The following CNTN5 variants were observed in gnomAD, a reference collection of about 807,000 sequenced individuals.
The protein encoded by CNTN5 is contactin 5.
Under a neutral mutation model 129.1 loss-of-function variants are expected in CNTN5, and 77 were observed. That is an observed-to-expected ratio of 0.60 (90% CI 0.50 to 0.72). The LOEUF is 0.72. CNTN5 is among the 30% of genes least tolerant of loss of function. CNTN5 has a pLI of 0.00. For missense variants in CNTN5, 1,478 were observed against 1,328.8 expected (o/e 1.11, Z -1.75); for synonymous variants, 509 against 465.6 (o/e 1.09, Z -1.20).
intron 2 of CNTN5, among the ~76,000 whole-genome samples, chr11:99,552,545 A>C (rs1414889661): frequency 6.6e-6 from 1 of 152,158 alleles, no homozygotes; most frequent in East Asian, 1.9e-4. Flanking sequence ...AGAGTAACCA[A>C]GAAAGGCTTC....
intron 3 of CNTN5, among the ~76,000 whole-genome samples, chr11:99,795,971 A>G (rs2135458381): frequency 6.6e-6 from 1 of 152,298 alleles, no homozygotes; most frequent in Middle Eastern, 3.4e-3. Flanking sequence ...GCCAGCAGCA[A>G]TGCTAGAGGG....
intron 3 of CNTN5, among the ~76,000 whole-genome samples, chr11:99,609,112 A>T (rs920040399): frequency 2.6e-5 from 4 of 152,150 alleles, no homozygotes; most frequent in Non-Finnish European, 5.9e-5. Context: ...TATAGCTTAG[A>T]ATGGATGTTT....
chr11:100,147,542 C>T (rs886940143), intron 13 of CNTN5, among the ~76,000 whole-genome samples: 3 of 152,026 alleles, frequency 2.0e-5, no homozygotes, highest in Non-Finnish European at 4.4e-5. Context: ...CAGTTCTGCT[C>T]GGAAGCCGCG....
intron 2 of CNTN5, among the ~76,000 whole-genome samples, chr11:99,554,686 AT>A: frequency 6.6e-6 from 1 of 152,252 alleles, no homozygotes; most frequent in East Asian, 1.9e-4. Flanking sequence ...AAAAAGGTCA[AT>A]TTAATCATGA....
intron 7 of CNTN5, among the ~76,000 whole-genome samples, chr11:99,948,066 T>C (rs1950591607): frequency 6.6e-6 from 1 of 152,234 alleles, no homozygotes; most frequent in African/African-American, 2.4e-5. Flanking sequence ...GAGGTCTTAA[T>C]TTTCCTTCAT....
intron 13 of CNTN5, among the ~76,000 whole-genome samples, chr11:100,148,341 A>C (rs183132146): frequency 2.9e-4 from 44 of 152,332 alleles, no homozygotes; most frequent in African/African-American, 1.0e-3. Flanking sequence ...AGTTGCTCTC[A>C]GGGCTAAGTG....
At chr11:99,598,986 GA>G (rs1303312756) in intron 3 of CNTN5, among the ~76,000 whole-genome samples, 1 of 152,038 alleles carries the variant, frequency 6.6e-6, no homozygotes, top group African/African-American at 2.4e-5. Context: ...AATGAGATAA[GA>G]TTAGGAGAAT....
chr11:99,565,702 A>C (rs1427718877), intron 3 of CNTN5, among the ~76,000 whole-genome samples: 1 of 152,182 alleles, frequency 6.6e-6, no homozygotes, highest in African/African-American at 2.4e-5. Context: ...CTGTCTTTCC[A>C]ATGAAGAAGA....
chr11:100,070,452 T>A lies in CNTN5; in HGVS notation c.1191T>A (p.Asn397Lys), dbSNP rs202208191. Residue 397 changes from asparagine to lysine, a missense_variant, in exon 11 of 25, where the codon AAT becomes AAA. Physicochemically the swap from Asn to Lys is moderately conservative, Grantham distance 94. Transcript: ENST00000524871. The part of the protein sequence containing the change: ...YTYPHWVEKL[N>K]DTQLDSGSPL... Reference sequence around the variant, plus strand: ...ACCCACACTGGGTAGAAAAACTGAATGATACTCAGTTAGACAGTGGGAGCC... The same window carrying A: ...ACCCACACTGGGTAGAAAAACTGAAAGATACTCAGTTAGACAGTGGGAGCC... 6.2e-7 allele frequency: 1 copy of A among 1,612,482 alleles called. No individual in the cohort carries two copies. The highest frequency in any genetic ancestry group is 8.5e-7 in the Non-Finnish European group (1 of 1,179,152).
chr11:99,817,670 C>T (rs1946638176), intron 3 of CNTN5, among the ~76,000 whole-genome samples: 1 of 135,380 alleles, frequency 7.4e-6, no homozygotes, highest in Non-Finnish European at 1.5e-5. Flanking sequence ...CAATAGATTG[C>T]ACTGAGAAAT....
At chr11:100,164,926 C>T (rs374150861) in intron 13 of CNTN5, among the ~76,000 whole-genome samples, 21 of 151,898 alleles carry the variant, frequency 1.4e-4, no homozygotes, top group African/African-American at 5.1e-4. Context: ...AGATATTACA[C>T]ATAAAAGTCA....
intron 17 of CNTN5, among the ~76,000 whole-genome samples, chr11:100,261,070 C>G (rs1300772123): frequency 6.6e-6 from 1 of 152,216 alleles, no homozygotes; most frequent in East Asian, 1.9e-4. Context: ...CCAAAACCTC[C>G]TTAAGCTGAT....
chr11:99,971,978 G>T (rs147452102), intron 8 of CNTN5, among the ~76,000 whole-genome samples: 36 of 150,624 alleles, frequency 2.4e-4, no homozygotes, highest in African/African-American at 7.8e-4. Flanking sequence ...GGGTGGGAGC[G>T]GTGGCTCACG....
chr11:100,186,535 A>C (rs1948305551), intron 13 of CNTN5, among the ~76,000 whole-genome samples: 1 of 152,162 alleles, frequency 6.6e-6, no homozygotes, highest in Non-Finnish European at 1.5e-5. Context: ...AACAAAGCAG[A>C]GACTGAGTAA....
chr11:99,878,889 T>A (rs1948702046), intron 6 of CNTN5, among the ~76,000 whole-genome samples: 1 of 152,112 alleles, frequency 6.6e-6, no homozygotes, highest in Admixed American at 6.5e-5. Flanking sequence ...TAAAAAAAGA[T>A]GATACTCCCA....
intron 13 of CNTN5, among the ~76,000 whole-genome samples, chr11:100,080,676 G>T (rs1384687909): frequency 6.6e-6 from 1 of 152,074 alleles, no homozygotes; most frequent in Non-Finnish European, 1.5e-5. Context: ...GTTTGCTAAT[G>T]AACAAGCTGT....
intron 8 of CNTN5, among the ~76,000 whole-genome samples, chr11:99,991,657 A>C (rs1480309183): frequency 6.6e-6 from 1 of 152,150 alleles, no homozygotes; most frequent in African/African-American, 2.4e-5. Context: ...ATCTGTATTG[A>C]CTTAATTCTG....
intron 3 of CNTN5, among the ~76,000 whole-genome samples, chr11:99,631,109 G>A (rs1951331377): frequency 6.6e-6 from 1 of 152,178 alleles, no homozygotes; most frequent in Admixed American, 6.5e-5. Flanking sequence ...AAACCAACAA[G>A]CAAAGAATCA....
At chr11:99,281,794 T>C (rs555335445) in intron 1 of CNTN5, among the ~76,000 whole-genome samples, 5 of 152,170 alleles carry the variant, frequency 3.3e-5, no homozygotes, top group South Asian at 2.1e-4. Context: ...TGAAGTGTTT[T>C]ATTATTAAAA....
Sources: allele counts gnomAD v4.1 joint callset (sites outside exome capture counted in the v4.1 genomes callset), GRCh38; gene constraint gnomAD v4.1.1; transcripts MANE v1.5; gene names NCBI Gene and HGNC (gene_info 2026-07-23, HGNC 2026-07-21).